The following EYS variants were observed in gnomAD, a reference collection of about 807,000 sequenced individuals.
EYS encodes the protein EGF-like photoreceptor maintenance factor, also known as protein eyes shut homolog.
EYS carries 250 observed loss-of-function variants against 282.1 expected under a neutral mutation model. The ratio of observed to expected loss-of-function variants is 0.89; its 90% confidence interval spans 0.80 to 0.98. The LOEUF (loss-of-function observed/expected upper bound fraction) is 0.98, where lower values mean the gene tolerates loss of function less well. Among genes scored for constraint, EYS ranks in the 50% least tolerant of loss-of-function variants. The pLI is 0.00. For synonymous variants in EYS, 1,355 were observed against 1,282.9 expected (o/e 1.06, Z -1.20); for missense variants, 4,016 against 3,709.0 (o/e 1.08, Z -2.15).
chr6:64,011,729 A>G (rs1768642075), intron 33 of EYS, among the ~76,000 whole-genome samples: 1 of 152,136 alleles, frequency 6.6e-6, no homozygotes, highest in African/African-American at 2.4e-5. Flanking sequence ...TTAAAGCAGT[A>G]TCTCATTGCT....
Position 65,626,446 on chromosome 6 carries a change from C to G in EYS, c.-333+13332G>C, listed in dbSNP as rs59373340. ...TGGGAAGTCTGGAATGTCCAAAAGC[C>G]TAGATGATGTACTGTGGAACTCACA... On this transcript the variant is annotated intron_variant, in intron 2 of 42. Coordinates refer to ENST00000503581, the MANE Select transcript of EYS (RefSeq NM_001142800.2). Among the ~76,000 whole-genome samples, 374 of 152,268 alleles carry G rather than the reference C, an allele frequency of 2.5e-3. 1 individual carries two copies. Among genetic ancestry groups the G allele is most frequent in the African/African-American group, 8.9e-3 (368 of 41,556 alleles).
chr6:63,826,578 G>A (rs149733931), intron 36 of EYS, among the ~76,000 whole-genome samples: 1,688 of 152,202 alleles, frequency 0.011, 23 homozygotes, highest in African/African-American at 0.039. Context: ...AAGGGATTGG[G>A]GACCCATCTT....
At chr6:65,591,001 G>C (rs567007641) in intron 2 of EYS, among the ~76,000 whole-genome samples, 5 of 151,988 alleles carry the variant, frequency 3.3e-5, no homozygotes, top group Non-Finnish European at 7.4e-5. Context: ...CCAGTGCTGG[G>C]ATTGCTATAT....
At chr6:65,386,236 A>AC (rs1039728385) in intron 7 of EYS, among the ~76,000 whole-genome samples, 4 of 151,298 alleles carry the variant, frequency 2.6e-5, no homozygotes, top group African/African-American at 9.7e-5. Context: ...TAGGTAAGAG[A>AC]CCCCCCAAAT....
At chr6:64,427,042 T>C (rs1448919453) in intron 28 of EYS, among the ~76,000 whole-genome samples, 2 of 152,072 alleles carry the variant, frequency 1.3e-5, no homozygotes, top group Non-Finnish European at 2.9e-5. Context: ...AAGTGAAAAA[T>C]AACTAGATCA....
chr6:65,160,739 C>T (rs976159261), intron 12 of EYS, among the ~76,000 whole-genome samples: 4 of 150,816 alleles, frequency 2.7e-5, no homozygotes, highest in African/African-American at 9.7e-5. Flanking sequence ...CTTAAAAATT[C>T]TAGCCAAGAA....
intron 12 of EYS, among the ~76,000 whole-genome samples, chr6:65,280,670 A>G (rs536475227): frequency 3.3e-5 from 5 of 152,010 alleles, no homozygotes; most frequent in African/African-American, 1.2e-4. Flanking sequence ...CTTGTAATGT[A>G]AAATTACAAT....
chr6:64,054,256 T>G (rs972381564), intron 33 of EYS, among the ~76,000 whole-genome samples: 1 of 152,102 alleles, frequency 6.6e-6, no homozygotes, highest in Admixed American at 6.6e-5. Flanking sequence ...GCAAAGGAGT[T>G]GAGTATGAGT....
chr6:64,251,147 G>T (rs532700375), intron 30 of EYS, among the ~76,000 whole-genome samples: 19 of 152,192 alleles, frequency 1.2e-4, no homozygotes, highest in Admixed American at 3.3e-4. Context: ...TTAACCAGCA[G>T]TATCCTCAGG....
intron 26 of EYS, among the ~76,000 whole-genome samples, chr6:64,517,048 G>A (rs1024551536): frequency 5.3e-5 from 8 of 151,772 alleles, no homozygotes; most frequent in African/African-American, 1.9e-4. Context: ...CAGGTTTATT[G>A]GAGAAACGTT....
chr6:63,982,744 C>T (rs1471000501), intron 35 of EYS, among the ~76,000 whole-genome samples: 1 of 151,666 alleles, frequency 6.6e-6, no homozygotes, highest in Non-Finnish European at 1.5e-5. Flanking sequence ...CACAGAAAGG[C>T]ATGAACAATA....
At chr6:65,543,874 C>T (rs1231880211) in intron 2 of EYS, among the ~76,000 whole-genome samples, 1 of 152,188 alleles carries the variant, frequency 6.6e-6, no homozygotes, top group Non-Finnish European at 1.5e-5. Flanking sequence ...GTCAACTTCT[C>T]TCTACCATTG....
chr6:65,383,507 A>G (rs1765691746), intron 8 of EYS, among the ~76,000 whole-genome samples: 2 of 151,778 alleles, frequency 1.3e-5, no homozygotes, highest in Non-Finnish European at 2.9e-5. Context: ...AGGAATGCTT[A>G]TCAAAACCAT....
chr6:64,805,784 T>A (rs1388226227), intron 22 of EYS, among the ~76,000 whole-genome samples: 1 of 151,390 alleles, frequency 6.6e-6, no homozygotes, highest in Non-Finnish European at 1.5e-5. Flanking sequence ...ATTTCAAAAA[T>A]TCTGATTTGG....
At chr6:65,197,303 G>A (rs1765793784) in intron 12 of EYS, among the ~76,000 whole-genome samples, 1 of 152,076 alleles carries the variant, frequency 6.6e-6, no homozygotes, top group Non-Finnish European at 1.5e-5. Context: ...AAAGGTGGAA[G>A]CTATTACTTC....
rs188604824 is a variant in EYS at position 65,166,116 on chromosome 6, G to A, written c.2024-108389C>T. On this transcript the variant is annotated intron_variant, in intron 12 of 42. Coordinates refer to ENST00000503581, the MANE Select transcript of EYS (RefSeq NM_001142800.2). The stretch of plus-strand genomic sequence containing the variant: ...ATCTAAACAAATGGAATGATGTCCC[G>A]TGTTCATGAATTGGAAAATTCATTA... 3.2e-3 allele frequency among the ~76,000 whole-genome samples: 485 copies of A among 151,188 alleles called. 3 individuals are homozygous for A. The highest frequency in any genetic ancestry group is 0.011 in the African/African-American group (450 of 41,404).
intron 33 of EYS, among the ~76,000 whole-genome samples, chr6:64,041,189 T>A (rs1770372797): frequency 6.6e-6 from 1 of 152,052 alleles, no homozygotes; most frequent in Non-Finnish European, 1.5e-5. Context: ...GAAAGGATCA[T>A]ATGGACCCCC....
chr6:63,920,694 A>T (rs1435464657), intron 35 of EYS, among the ~76,000 whole-genome samples: 3 of 152,194 alleles, frequency 2.0e-5, no homozygotes, highest in Non-Finnish European at 4.4e-5. Context: ...ACTTTCCAAA[A>T]AAACAAACTT....
intron 37 of EYS, chr6:63,797,044 A>G (rs1362899565): frequency 6.6e-6 from 1 of 152,198 alleles, no homozygotes. Context: ...TTGCAGCCAT[A>G]TTTGATTATA....
Sources: allele counts gnomAD v4.1 joint callset (sites outside exome capture counted in the v4.1 genomes callset), GRCh38; gene constraint gnomAD v4.1.1; transcripts MANE v1.5; gene names NCBI Gene and HGNC (gene_info 2026-07-23, HGNC 2026-07-21).